SLC34A1: variants seen among roughly 807,000 people sequenced by gnomAD.
SLC34A1 encodes sodium-dependent phosphate transport protein 2A.
In SLC34A1, 57 loss-of-function variants were observed where a neutral mutation model predicts 51.4. The observed-to-expected ratio is 1.11, with a 90% CI of 0.90 to 1.38. SLC34A1 has a LOEUF of 1.38. Ranked by LOEUF, SLC34A1 falls within the 40% of genes most tolerant of loss-of-function variation. The pLI is 0.00. For synonymous variants in SLC34A1, 368 were observed against 358.0 expected, an observed-to-expected ratio of 1.03 and a Z score of -0.32; for missense variants, 796 against 835.6, an observed-to-expected ratio of 0.95 and a Z score of 0.58.
rs764625212 is a variant in SLC34A1, at chr5:177,394,163, TG to T, written c.1144del (p.Ala382ProfsTer31). 1.9e-6 allele frequency: 3 copies of T among 1,613,930 alleles called. No individual in the cohort carries two copies. The African/African-American group carries it at 4.0e-5, about 22-fold the overall frequency. ...KMLNSLLKGQ[V>X]AKVIQKVINT... The stretch of plus-strand genomic sequence containing the variant: ...CTCAACTCCCTGCTCAAGGGCCAAG[TG>T]GCCAAGGTCATCCAGAAGGTCATCA... On this transcript the variant is annotated frameshift_variant, in exon 10 of 13. Transcript: ENST00000324417. LOFTEE classifies it high-confidence loss of function.
chr5:177,389,759 A>G lies in SLC34A1; in HGVS notation c.936+1387A>G, dbSNP rs749926151. On this transcript the variant is annotated intron_variant, in intron 8 of 12. Coordinates refer to ENST00000324417, the MANE Select transcript of SLC34A1 (RefSeq NM_003052.5). Reference sequence around the variant, plus strand: ...CCGGCCACCTACTGCAGCTTCCGGCAGATCTCAACCAGCAGCCTCCACGTC... The same window carrying G: ...CCGGCCACCTACTGCAGCTTCCGGCGGATCTCAACCAGCAGCCTCCACGTC... 29 of 1,536,996 alleles carry G rather than the reference A, an allele frequency of 1.9e-5. 1 individual carries two copies. In the African/African-American group the frequency reaches 3.0e-4, roughly 16 times the overall value.
intron 5 of SLC34A1, among the ~76,000 whole-genome samples, chr5:177,387,213 AC>A (rs1322510439): frequency 6.8e-6 from 1 of 147,460 alleles, no homozygotes; most frequent in African/African-American, 2.7e-5. Context: ...TACTAAAAAT[AC>A]AAAAAAAAAA....
At chr5:177,387,683 T>A in intron 5 of SLC34A1, 79 bp from the exon 6 acceptor site, 1 of 1,194,190 alleles carries the variant, frequency 8.4e-7, no homozygotes, top group Non-Finnish European at 1.2e-6. Flanking sequence ...GGGACGTGGG[T>A]GGGGGGCCTG....
chr5:177,389,965 G>C, intron 8 of SLC34A1: 1 of 1,391,102 alleles, frequency 7.2e-7, no homozygotes, highest in Non-Finnish European at 9.3e-7. Flanking sequence ...GTAGCTGGTG[G>C]GTGGGACCCA....
At chr5:177,390,060 T>C in intron 8 of SLC34A1, 1 of 1,183,556 alleles carries the variant, frequency 8.4e-7, no homozygotes, top group South Asian at 2.2e-5. Context: ...TCTTGCAAAG[T>C]GTGAAGTGCG....
intron 8 of SLC34A1, chr5:177,389,576 C>T: frequency 1.3e-6 from 2 of 1,534,760 alleles, no homozygotes; most frequent in South Asian, 2.4e-5. Context: ...CAACCACTTT[C>T]TCACGAGCTC....
intron 12 of SLC34A1, 89 bp from the exon 13 acceptor site, chr5:177,397,694 A>G (rs1214424292): frequency 6.5e-7 from 1 of 1,546,608 alleles, no homozygotes; most frequent in Non-Finnish European, 8.8e-7. Context: ...CCCAGACCAG[A>G]TCGGGGTTCC....
chr5:177,393,290 G>C lies in SLC34A1; in HGVS notation c.937-404G>C, dbSNP rs147311852. Reference sequence around the variant, plus strand: ...TGAGCTAAGGGTGTCTTGGAGGAGAGGAAGGAGCCAGGATGCTGGGGAAGG... The same window carrying C: ...TGAGCTAAGGGTGTCTTGGAGGAGACGAAGGAGCCAGGATGCTGGGGAAGG... On this transcript the variant is annotated intron_variant, in intron 8 of 12. Transcript: ENST00000324417. Among the ~76,000 whole-genome samples the C allele has an allele frequency of 4.6e-3, 702 of 152,238 alleles. 1 individual carries two copies. Among genetic ancestry groups the C allele is most frequent in the African/African-American group, 0.012 (482 of 41,532 alleles).
Position 177,398,028 on chromosome 5 carries a change from C to G in SLC34A1, c.1662C>G (p.Phe554Leu). 6.2e-7 allele frequency: 1 copy of G among 1,614,134 alleles called. No homozygotes were observed. Among genetic ancestry groups the G allele is most frequent in the Non-Finnish European group, 8.5e-7 (1 of 1,180,024 alleles). The change falls in exon 13 of 13, where the codon TTC (phenylalanine) becomes TTG (leucine). Residue 554 changes from phenylalanine (F) to leucine (L), a missense_variant. Phe to Leu is a conservative substitution (Grantham distance 22). Coordinates refer to ENST00000324417, the MANE Select transcript of SLC34A1 (RefSeq NM_003052.5). The surrounding 1 kb of genome is among the most constrained non-coding windows in gnomAD (Gnocchi z 4.7). ...VGTPFGALLA[F>L]VVLINVLQSR... ...CGCCCTTCGGGGCCCTGCTGGCCTT[C>G]GTGGTGCTCATCAATGTCCTGCAGA...
Position 177,394,727 on chromosome 5 carries a change from C to T in SLC34A1, c.1174+532C>T, listed in dbSNP as rs371913737. On this transcript the variant is annotated intron_variant, in intron 10 of 12. Transcript: ENST00000324417. ...TTTTTTTTTTTGAGACAATTTCACT[C>T]TTATTGCCCAGGCTGGAGTGCAATG... Among the ~76,000 whole-genome samples the T allele has an allele frequency of 2.2e-3, 267 of 122,002 alleles. 1 individual carries two copies. Among genetic ancestry groups the T allele is most frequent in the African/African-American group, 8.0e-3 (253 of 31,666 alleles). The allele number at this position is 122,002 out of a possible 152,430, so 80.0% of individuals were successfully genotyped here.
Position 177,394,168 on chromosome 5 carries a change from A to G in SLC34A1, c.1147A>G (p.Lys383Glu), listed in dbSNP as rs1194993645. The G allele has an allele frequency of 6.2e-7, 1 of 1,614,040 alleles. No homozygotes were observed. Residue 383 changes from lysine to glutamate, a missense_variant, in exon 10 of 13, where the codon AAG (lysine) becomes GAG (glutamate). Lys to Glu is a moderately conservative substitution (Grantham distance 56, BLOSUM62 1). Transcript: ENST00000324417. Reference protein sequence around the residue: ...LNSLLKGQVAKVIQKVINTDF... With the variant: ...LNSLLKGQVAEVIQKVINTDF... The stretch of plus-strand genomic sequence containing the variant: ...CTCCCTGCTCAAGGGCCAAGTGGCC[A>G]AGGTCATCCAGAAGGTCATCAATAC...
Position 177,386,236 on chromosome 5 carries a change from C to T in SLC34A1, c.275C>T (p.Pro92Leu). ...EEQKPESRLV[P>L]KLRQAGAMLL... ...CCCCATCCAGAGTCCAGGCTGGTCCCCAAGCTGCGCCAGGCTGGCGCCATG... is the reference window on the plus strand; with the variant it reads ...CCCCATCCAGAGTCCAGGCTGGTCCTCAAGCTGCGCCAGGCTGGCGCCATG... Residue 92 changes from proline (P) to leucine (L), a missense_variant, in exon 4 of 13, where the codon CCC (proline) becomes CTC (leucine). Transcript: ENST00000324417. This position sits in a 1 kb window ranked among gnomAD's most constrained non-coding sequence, Gnocchi z 4.8. 5 of 1,544,048 alleles carry T rather than the reference C, an allele frequency of 3.2e-6. No homozygotes were observed. The highest frequency in any genetic ancestry group is 4.5e-6 in the Non-Finnish European group (5 of 1,119,818).
intron 5 of SLC34A1, among the ~76,000 whole-genome samples, chr5:177,387,108 T>C (rs111689041): frequency 0.017 from 2,643 of 151,864 alleles, 80 homozygotes; most frequent in Admixed American, 0.082. Context: ...CAGTGGCTCA[T>C]GCCTGTAATC....
rs1313591987 is a variant in SLC34A1 at position 177,386,681 on chromosome 5, T to G, written c.532+115T>G. Reference sequence around the variant, plus strand: ...GCTGGCCTCCATTCAGCTTGACTCCTGTATCAGCCAGGGACATGAGAGGAG... The same window carrying G: ...GCTGGCCTCCATTCAGCTTGACTCCGGTATCAGCCAGGGACATGAGAGGAG... On this transcript the variant is annotated intron_variant, in intron 5 of 12. Coordinates refer to ENST00000324417, the MANE Select transcript of SLC34A1 (RefSeq NM_003052.5). This position sits in a 1 kb window ranked among gnomAD's most constrained non-coding sequence, Gnocchi z 4.8. 7.9e-7 allele frequency: 1 copy of G among 1,266,298 alleles called. No individual in the cohort carries two copies. Among genetic ancestry groups the G allele is most frequent in the Non-Finnish European group, 1.1e-6 (1 of 881,316 alleles). 78.4% of individuals were successfully genotyped at this position (1,266,298 alleles called of 1,614,324 possible). A position where few individuals can be genotyped will look rare whatever the true frequency, so the allele number is the denominator to read the frequency against.
Position 177,396,707 on chromosome 5 carries a change from C to T in SLC34A1, c.1175-26C>T. ...CCCAATGTCCCCGCTCTGACCCCAG[C>T]CTGCTGGGATGCGGTTTCCTTGCAG... On this transcript the variant is annotated intron_variant, in intron 10 of 12. Coordinates refer to ENST00000324417, the MANE Select transcript of SLC34A1 (RefSeq NM_003052.5). The surrounding 1 kb of genome is among the most constrained non-coding windows in gnomAD (Gnocchi z 4.0). The T allele has an allele frequency of 6.2e-7, 1 of 1,605,890 alleles. No homozygotes were observed. Among genetic ancestry groups the T allele is most frequent in the Non-Finnish European group, 8.5e-7 (1 of 1,172,494 alleles).
In SLC34A1 at chr5:177,397,821, CCT is replaced by C; in HGVS notation, c.1456_1457del (p.Leu486SerfsTer118). On this transcript the variant is annotated frameshift_variant, in exon 13 of 13. Coordinates refer to ENST00000324417, the MANE Select transcript of SLC34A1 (RefSeq NM_003052.5). LOFTEE classifies it high-confidence loss of function. Reference protein sequence around the residue: ...CHFFFNISGILLWYPVPCTRL... With the variant: ...CHFFFNISGIXLWYPVPCTRL... ...ACTTCTTCTTCAACATCTCGGGTAT[CCT>C]TCTGTGGTACCCGGTGCCCTGCACA... The C allele has an allele frequency of 6.2e-7, 1 of 1,613,080 alleles. No individual in the cohort carries two copies.
intron 8 of SLC34A1, among the ~76,000 whole-genome samples, chr5:177,392,054 G>C (rs1465865104): frequency 1.3e-5 from 2 of 152,196 alleles, no homozygotes; most frequent in Non-Finnish European, 2.9e-5. Context: ...GCCCAGTCTT[G>C]ATGGGTCCCC....
At position 177,396,588 on chromosome 5, in the gene SLC34A1, G is replaced by A. The variant is rs1340235244; in HGVS notation, c.1175-145G>A. On this transcript the variant is annotated intron_variant, in intron 10 of 12. Transcript: ENST00000324417. The surrounding 1 kb of genome is among the most constrained non-coding windows in gnomAD (Gnocchi z 4.0). ...AGGTCCTCTCTCCCAGTGCCCCCGC[G>A]GAGGTCCTCTCTCCCAGTGCCCCCG... is the stretch of plus-strand genomic sequence containing the variant. 11 of 555,780 alleles carry A rather than the reference G, an allele frequency of 2.0e-5. 1 individual carries two copies. Among genetic ancestry groups the A allele is most frequent in the Admixed American group, 1.4e-4 (6 of 41,728 alleles). 34.4% of individuals were successfully genotyped at this position (555,780 alleles called of 1,614,324 possible).
intron 5 of SLC34A1, 132 bp from the exon 6 acceptor site, chr5:177,387,630 T>C: frequency 1.3e-6 from 1 of 787,974 alleles, no homozygotes; most frequent in Non-Finnish European, 2.2e-6. Flanking sequence ...GACGCCAACG[T>C]TAGGCAGACT....
Sources: gnomAD v4.1 joint callset for allele counts (sites outside exome capture counted in the v4.1 genomes callset) on GRCh38, gnomAD v4.1.1 for gene constraint, Gnocchi (gnomAD v3.1) non-coding constraint, MANE v1.5 for transcripts, NCBI Gene and HGNC (gene_info 2026-07-23, HGNC 2026-07-21) for gene names.